Variants in MARS1 observed in about 807,000 individuals in gnomAD.
The protein encoded by MARS1 is methionyl-tRNA synthetase 1, also known as methionine--tRNA ligase, cytoplasmic.
Under a neutral mutation model 119.5 loss-of-function variants are expected in MARS1, and 80 were observed. The observed-to-expected ratio is 0.67, with a 90% confidence interval of 0.56 to 0.81. The LOEUF (loss-of-function observed/expected upper bound fraction) is 0.81. Ranked by LOEUF, MARS1 falls within the 30% of genes least tolerant of loss-of-function variation. The probability of loss-of-function intolerance (pLI) is 0.00; values close to 1 mark genes in which losing one functional copy is unlikely to be tolerated. For missense variants in MARS1, 945 were observed against 1,116.5 expected (o/e 0.85, Z 2.19); for synonymous variants, 418 against 433.4 (o/e 0.96, Z 0.44).
chr12:57,498,120 C>T (rs773747446), intron 7 of MARS1, 37 bp from the exon 8 acceptor site: 8 of 1,358,024 alleles, frequency 5.9e-6, no homozygotes, highest in Admixed American at 1.7e-5. Flanking sequence ...ACCCTCACAT[C>T]CCCCCATGCA....
In MARS1 at chr12:57,504,097, T is replaced by C; in HGVS notation, c.1294-128T>C. 5.9e-6 allele frequency: 4 copies of C among 676,650 alleles called. No individual in the cohort carries two copies. The South Asian group carries it at 6.6e-5, about 11-fold the overall frequency. The allele number at this position is 676,650 out of a possible 1,614,324, so 41.9% of individuals were successfully genotyped here. ...TAGAGTAGGCCACATAGTAGAGTTA[T>C]TGGAGTGTGAGCCTGAAGCTAAACT... On this transcript the variant is annotated intron_variant, in intron 10 of 20. Transcript: ENST00000262027.
intron 11 of MARS1, among the ~76,000 whole-genome samples, chr12:57,511,142 T>TAAA (rs368042156): frequency 6.7e-6 from 1 of 148,944 alleles, no homozygotes. Context: ...TTTTAAAAAT[T>TAAA]AAAAAAAAAA....
In MARS1 at chr12:57,498,458, G is replaced by A; in HGVS notation, c.926G>A (p.Cys309Tyr). 6.2e-7 allele frequency: 1 copy of A among 1,614,176 alleles called. No individual in the cohort carries two copies. The highest frequency in any genetic ancestry group is 1.3e-5 in the African/African-American group (1 of 75,054). The change falls in exon 9 of 21, where the codon TGT becomes TAT. Residue 309 changes from cysteine (C) to tyrosine (Y), a missense_variant. Physicochemically the swap from Cys to Tyr is radical, Grantham distance 194. Transcript: ENST00000262027. ...CGCCAGTGGAACACCCTCTATCTGT[G>A]TGGGACAGATGAGTATGGTACAGCA... ...RLRQWNTLYL[C>Y]GTDEYGTATE... is the part of the protein sequence containing the mutation.
intron 14 of MARS1, 155 bp from the exon 15 acceptor site, chr12:57,512,596 A>T: frequency 3.0e-6 from 2 of 670,806 alleles, no homozygotes; most frequent in Non-Finnish European, 2.6e-6. Flanking sequence ...ATAGGAAGGG[A>T]CTCCCAAAAT....
At chr12:57,488,637 TGGGTGACTCTTA>T in intron 1 of MARS1, 1 of 1,551,032 alleles carries the variant, frequency 6.4e-7, no homozygotes, top group Non-Finnish European at 8.7e-7. Context: ...GCCGATTGTT[TGGGTGACTCTTA>T]GGAGGTTCTC....
Position 57,498,157 on chromosome 12 carries a change from G to A in MARS1, c.771G>A (p.Val257=), listed in dbSNP as rs758119394. 1.9e-6 allele frequency: 3 copies of A among 1,605,854 alleles called. No individual in the cohort carries two copies. The highest frequency in any genetic ancestry group is 2.6e-6 in the Non-Finnish European group (3 of 1,172,496). ...LPPLRPQQNP[V]LPVAGERNVL... is the part of the protein sequence containing the mutation. The stretch of plus-strand genomic sequence containing the variant: ...TGTTCTCTTCCTCTTTCCTTACTAG[G>A]TTGCCTGTGGCTGGAGAAAGGAATG... The change falls in exon 8 of 21, where the codon GTG becomes GTA. Residue 257 remains valine (V), a splice_region_variant and synonymous_variant. Transcript: ENST00000262027.
At position 57,498,143 on chromosome 12, in the gene MARS1, TCTTTC is replaced by T. The variant is rs1876729200; in HGVS notation, c.771-10_771-6del. ...ATCCCCCCATGCACTGTTCTCTTCC[TCTTTC>T]CTTACTAGGTTGCCTGTGGCTGGAG... On this transcript the variant is annotated splice_polypyrimidine_tract_variant and intron_variant, in intron 7 of 20. Transcript: ENST00000262027. 8 of 1,582,750 alleles carry T rather than the reference TCTTTC, an allele frequency of 5.1e-6. No individual in the cohort carries two copies. Among genetic ancestry groups the T allele is most frequent in the Non-Finnish European group, 6.9e-6 (8 of 1,151,452 alleles).
At position 57,490,217 on chromosome 12, in the gene MARS1, T is replaced by C. The variant is rs762798183; in HGVS notation, c.501T>C (p.Ser167=). The change falls in exon 6 of 21, where the codon AGT becomes AGC. Residue 167 remains serine (S), a synonymous_variant. Transcript: ENST00000262027. ...CTTCCATACCCACAGAGGAGCTGAGTGCCCTGCACAGCTGGTTCCAGACAC... is the reference window on the plus strand; with the variant it reads ...CTTCCATACCCACAGAGGAGCTGAGCGCCCTGCACAGCTGGTTCCAGACAC... The part of the protein sequence containing the change: ...QDPAYLPEEL[S]ALHSWFQTLS... 4 of 1,612,878 alleles carry C rather than the reference T, an allele frequency of 2.5e-6. No individual in the cohort carries two copies. Among genetic ancestry groups the C allele is most frequent in the Non-Finnish European group, 2.5e-6 (3 of 1,179,646 alleles).
chr12:57,493,742 ATTATATACATTATATTATATATATT>A (rs1876323238), intron 7 of MARS1, among the ~76,000 whole-genome samples: 1 of 5,138 alleles, frequency 1.9e-4, no homozygotes, highest in African/African-American at 1.0e-3. Flanking sequence ...TATAATATAT[ATTATATACATTATATTATATATATT>A]ATATATAATA....
rs1257425721 is a variant in MARS1 at position 57,493,371 on chromosome 12, TATATATTATATA to T, written c.770+2740_770+2751del. Among the ~76,000 whole-genome samples the T allele has an allele frequency of 4.3e-5, 3 of 69,588 alleles. 1 individual carries two copies. Among genetic ancestry groups the T allele is most frequent in the African/African-American group, 2.1e-4 (3 of 14,372 alleles). 45.7% of individuals were successfully genotyped at this position (69,588 alleles called of 152,430 possible). A position where few individuals can be genotyped will look rare whatever the true frequency, so the allele number is the denominator to read the frequency against. On this transcript the variant is annotated intron_variant, in intron 7 of 20. Transcript: ENST00000262027. ...AATATATATTATATGATATGTATAATATATATTATATAATATATTATATATAATATATGTTAT... is the reference window on the plus strand; with the variant it reads ...AATATATATTATATGATATGTATAATATATATTATATATAATATATGTTAT...
At chr12:57,505,482 G>C (rs1352725564) in intron 11 of MARS1, among the ~76,000 whole-genome samples, 1 of 151,960 alleles carries the variant, frequency 6.6e-6, no homozygotes, top group East Asian at 1.9e-4. Context: ...TTAAAATACA[G>C]TGTTCCTCCT....
chr12:57,508,986 T>C (rs1877380881), intron 11 of MARS1, among the ~76,000 whole-genome samples: 1 of 152,224 alleles, frequency 6.6e-6, no homozygotes, highest in Admixed American at 6.5e-5. Context: ...ATTTTCCAAC[T>C]CTACCACTAC....
rs373991803 is a variant in MARS1 at position 57,498,208 on chromosome 12, C to G, written c.822C>G (p.Tyr274Ter). ...RNVLITSALP[Y>*]VNNVPHLGNI... is the part of the protein sequence containing the mutation. ...TGCTCATCACCAGTGCCCTCCCTTA[C>G]GTCAACAATGTCCCCCACCTTGGGA... Residue 274 changes from tyrosine (Y) to a stop codon, truncating the protein, a stop_gained, in exon 8 of 21, where the codon TAC becomes TAG. Transcript: ENST00000262027. LOFTEE classifies it high-confidence loss of function. 6 of 1,614,208 alleles carry G rather than the reference C, an allele frequency of 3.7e-6. No homozygotes were observed. Among genetic ancestry groups the G allele is most frequent in the Non-Finnish European group, 5.1e-6 (6 of 1,180,032 alleles).
At chr12:57,494,494 A>ATT (rs59160934) in intron 7 of MARS1, among the ~76,000 whole-genome samples, 33 of 95,494 alleles carry the variant, frequency 3.5e-4, no homozygotes, top group South Asian at 2.7e-3. Flanking sequence ...CGCCTGGCTA[A>ATT]TTTTTTTTTT....
In MARS1 at chr12:57,490,019, T is replaced by C. The variant is rs1875809799; in HGVS notation, c.490+48T>C. 6 of 1,546,222 alleles carry C rather than the reference T, an allele frequency of 3.9e-6. No homozygotes were observed. In the African/African-American group the frequency reaches 5.4e-5, roughly 14 times the overall value. ...CAACCCTAGGAGCTTGGTGTAGGGGTTACAGAATGGGCAGTAGAATACTGA... is the reference window on the plus strand; with the variant it reads ...CAACCCTAGGAGCTTGGTGTAGGGGCTACAGAATGGGCAGTAGAATACTGA... On this transcript the variant is annotated intron_variant, in intron 5 of 20. Transcript: ENST00000262027.
At chr12:57,500,033 T>C (rs907833177) in intron 9 of MARS1, 1 of 399,952 alleles carries the variant, frequency 2.5e-6, no homozygotes, top group Non-Finnish European at 4.7e-6. Flanking sequence ...TCCTATCCTA[T>C]TGGAGATTTT....
At chr12:57,508,554 G>A (rs1226117095) in intron 11 of MARS1, among the ~76,000 whole-genome samples, 4 of 152,250 alleles carry the variant, frequency 2.6e-5, no homozygotes, top group African/African-American at 9.6e-5. Flanking sequence ...GCAGGCACTC[G>A]GCAGGCTGAG....
chr12:57,493,389 TTA>T (rs1374039676), intron 7 of MARS1, among the ~76,000 whole-genome samples: 1 of 20,744 alleles, frequency 4.8e-5, no homozygotes, highest in African/African-American at 2.3e-4. Context: ...ATATAATATA[TTA>T]TATATAATAT....
intron 7 of MARS1, among the ~76,000 whole-genome samples, chr12:57,497,026 C>G (rs1248271743): frequency 2.6e-5 from 4 of 152,102 alleles, no homozygotes; most frequent in East Asian, 1.9e-4. Flanking sequence ...GCATATTTGC[C>G]TCTATACTTG....
Sources: gnomAD v4.1 joint callset for allele counts (sites outside exome capture counted in the v4.1 genomes callset) on GRCh38, gnomAD v4.1.1 for gene constraint, MANE v1.5 for transcripts, NCBI Gene and HGNC (gene_info 2026-07-23, HGNC 2026-07-21) for gene names.